Variants in RSBN1L observed in about 807,000 individuals in gnomAD.
RSBN1L encodes the protein round spermatid basic protein 1 like.
In RSBN1L, 30 loss-of-function variants were observed where a neutral mutation model predicts 67.7. That is an observed-to-expected ratio of 0.44 (90% CI 0.33 to 0.60). RSBN1L has a LOEUF of 0.60. RSBN1L is among the 20% of genes least tolerant of loss of function. RSBN1L has a pLI of 0.02. For synonymous variants in RSBN1L, 433 were observed against 387.0 expected (o/e 1.12, Z -1.39); for missense variants, 992 against 1,031.7 (o/e 0.96, Z 0.53).
chr7:77,703,482 T>TTTG (rs1790846575), intron 1 of RSBN1L, among the ~76,000 whole-genome samples: 1 of 71,048 alleles, frequency 1.4e-5, no homozygotes, highest in Non-Finnish European at 3.1e-5. Context: ...TTTGGGTTTT[T>TTTG]TTTTTTTTTT....
intron 3 of RSBN1L, among the ~76,000 whole-genome samples, chr7:77,750,393 C>A (rs993963118): frequency 6.6e-5 from 9 of 137,350 alleles, no homozygotes; most frequent in Admixed American, 3.9e-4. Context: ...AGTTTTCTTA[C>A]CTGGAAATCA....
At chr7:77,739,447 TCA>T (rs1425433571) in intron 2 of RSBN1L, among the ~76,000 whole-genome samples, 1 of 151,988 alleles carries the variant, frequency 6.6e-6, no homozygotes, top group African/African-American at 2.4e-5. Context: ...GCGCAGTGTC[TCA>T]CGCCTGTAAT....
intron 3 of RSBN1L, among the ~76,000 whole-genome samples, chr7:77,761,387 T>C (rs932746409): frequency 6.6e-5 from 10 of 152,232 alleles, no homozygotes; most frequent in Admixed American, 1.3e-4. Flanking sequence ...TTTACTGTGA[T>C]TATTTAGAGA....
At chr7:77,766,507 T>A (rs1791768218) in intron 4 of RSBN1L, among the ~76,000 whole-genome samples, 1 of 151,958 alleles carries the variant, frequency 6.6e-6, no homozygotes, top group South Asian at 2.1e-4. Flanking sequence ...TTAAATAGTT[T>A]GTAGCCAGAT....
Position 77,696,841 on chromosome 7 carries a change from G to A in RSBN1L, c.372G>A (p.Val124=). The A allele has an allele frequency of 6.2e-7, 1 of 1,613,118 alleles. No individual in the cohort carries two copies. Among genetic ancestry groups the A allele is most frequent in the Non-Finnish European group, 8.5e-7 (1 of 1,179,946 alleles). The change falls in exon 1 of 8, where the codon GTG becomes GTA. Residue 124 remains valine, a synonymous_variant. Coordinates refer to ENST00000334955, the MANE Select transcript of RSBN1L (RefSeq NM_198467.3). ...SSASASLSQP[V]PRKLLVPPTL... ...CCTCCGCTTCCTTGTCTCAGCCGGTGCCGCGCAAACTGCTGGTCCCTCCTA... is the reference window on the plus strand; with the variant it reads ...CCTCCGCTTCCTTGTCTCAGCCGGTACCGCGCAAACTGCTGGTCCCTCCTA...
intron 3 of RSBN1L, among the ~76,000 whole-genome samples, chr7:77,753,288 G>A (rs368953066): frequency 9.9e-5 from 15 of 152,254 alleles, no homozygotes; most frequent in East Asian, 5.8e-4. Flanking sequence ...CCTTTGCCAC[G>A]GTTAGTAGTG....
chr7:77,749,418 C>T lies in RSBN1L; in HGVS notation c.704-6C>T. 6.6e-7 allele frequency: 1 copy of T among 1,520,678 alleles called. No homozygotes were observed. The highest frequency in any genetic ancestry group is 8.8e-7 in the Non-Finnish European group (1 of 1,137,426). 94.2% of individuals were successfully genotyped at this position (1,520,678 alleles called of 1,614,324 possible). A position where few individuals can be genotyped will look rare whatever the true frequency, so the allele number is the denominator to read the frequency against. On this transcript the variant is annotated splice_region_variant and splice_polypyrimidine_tract_variant and intron_variant, in intron 2 of 7. Transcript: ENST00000334955. Reference sequence around the variant, plus strand: ...ATGGAGTTTCAAAAAACATTTTTTCCAACAGGTGGGAAGGAGAAACCAAAA... The same window carrying T: ...ATGGAGTTTCAAAAAACATTTTTTCTAACAGGTGGGAAGGAGAAACCAAAA...
In RSBN1L at chr7:77,723,944, A is replaced by T. The variant is rs967532572; in HGVS notation, c.587-12466A>T. ...AGTGAAACTCTGTCTCAAAAAAAAA[A>T]TTTTTTTTTTTTTAATAGGGACAGG... On this transcript the variant is annotated intron_variant, in intron 1 of 7. Transcript: ENST00000334955. Among the ~76,000 whole-genome samples, 150 of 149,306 alleles carry T rather than the reference A, an allele frequency of 1.0e-3. 1 individual carries two copies. Among genetic ancestry groups the T allele is most frequent in the Non-Finnish European group, 1.7e-3 (113 of 67,224 alleles).
At chr7:77,765,918 T>G (rs184929965) in intron 4 of RSBN1L, among the ~76,000 whole-genome samples, 1 of 152,188 alleles carries the variant, frequency 6.6e-6, no homozygotes, top group Non-Finnish European at 1.5e-5. Context: ...CTTAACACTT[T>G]AGGAAATTAG....
chr7:77,755,122 A>T (rs1044864702), intron 3 of RSBN1L, among the ~76,000 whole-genome samples: 3 of 152,214 alleles, frequency 2.0e-5, no homozygotes, highest in Non-Finnish European at 4.4e-5. Flanking sequence ...AATGTGAGTC[A>T]GTATTCTAGG....
At chr7:77,771,029 C>T (rs1472156160) in intron 5 of RSBN1L, among the ~76,000 whole-genome samples, 1 of 152,156 alleles carries the variant, frequency 6.6e-6, no homozygotes, top group Non-Finnish European at 1.5e-5. Context: ...GCAACCTCCA[C>T]CTCCCGGTTT....
chr7:77,753,213 T>C (rs746377875), intron 3 of RSBN1L, among the ~76,000 whole-genome samples: 9 of 152,232 alleles, frequency 5.9e-5, no homozygotes, highest in Admixed American at 1.3e-4. Context: ...TCAGTTTTGC[T>C]AGGTACTGCC....
intron 3 of RSBN1L, among the ~76,000 whole-genome samples, chr7:77,762,085 G>A (rs1273546181): frequency 1.3e-5 from 2 of 152,060 alleles, no homozygotes; most frequent in Non-Finnish European, 2.9e-5. Flanking sequence ...TGGTTACAAG[G>A]GAGAGACTTA....
intron 3 of RSBN1L, among the ~76,000 whole-genome samples, chr7:77,763,417 C>T (rs777734784): frequency 6.6e-6 from 1 of 152,188 alleles, no homozygotes; most frequent in Non-Finnish European, 1.5e-5. Context: ...AACTCAGAAT[C>T]TCAGAATCAC....
intron 2 of RSBN1L, 95 bp from the exon 3 acceptor site, chr7:77,749,329 C>T (rs774882036): frequency 5.9e-5 from 54 of 915,496 alleles, no homozygotes; most frequent in Non-Finnish European, 8.1e-5. Flanking sequence ...AGTAAATTTT[C>T]AGAAGTAAAC....
intron 6 of RSBN1L, among the ~76,000 whole-genome samples, chr7:77,774,561 T>A (rs1255929814): frequency 6.6e-6 from 1 of 152,144 alleles, no homozygotes. Flanking sequence ...ACCCCATCTC[T>A]ACTAAAAATA....
intron 1 of RSBN1L, among the ~76,000 whole-genome samples, chr7:77,701,166 AAAAACAAC>A (rs770823382): frequency 0.021 from 2,469 of 115,158 alleles, 31 homozygotes; most frequent in African/African-American, 0.077. Context: ...AAAAAAAAAA[AAAAACAAC>A]AACAACAACA....
chr7:77,743,026 C>T (rs996663548), intron 2 of RSBN1L, among the ~76,000 whole-genome samples: 3 of 151,084 alleles, frequency 2.0e-5, no homozygotes, highest in Admixed American at 1.3e-4. Flanking sequence ...GTGCTCATTT[C>T]AGTATTTAAT....
intron 1 of RSBN1L, among the ~76,000 whole-genome samples, chr7:77,722,917 A>G (rs962731600): frequency 6.6e-6 from 1 of 150,552 alleles, no homozygotes; most frequent in African/African-American, 2.4e-5. Context: ...CAGCAACAAT[A>G]TATTGTGACT....
Sources: gnomAD v4.1 joint callset for allele counts (sites outside exome capture counted in the v4.1 genomes callset) on GRCh38, gnomAD v4.1.1 for gene constraint, MANE v1.5 for transcripts, NCBI Gene and HGNC (gene_info 2026-07-23, HGNC 2026-07-21) for gene names.